IL1RL2: variants seen among roughly 807,000 people sequenced by gnomAD.
IL1RL2 encodes the protein interleukin-1 receptor-like 2.
IL1RL2 carries 68 observed loss-of-function variants against 66.8 expected under a neutral mutation model. That is an observed-to-expected ratio of 1.02 (90% CI 0.84 to 1.25). The LOEUF is 1.25. Ranked by LOEUF, IL1RL2 falls within the 50% of genes most tolerant of loss-of-function variation. The pLI is 0.00. For synonymous variants in IL1RL2, 305 were observed against 264.6 expected (o/e 1.15, Z -1.48); for missense variants, 729 against 709.3 (o/e 1.03, Z -0.32).
chr2:102,237,102 G>A (rs1306006524), intron 11 of IL1RL2, among the ~76,000 whole-genome samples: 1 of 152,082 alleles, frequency 6.6e-6, no homozygotes, highest in Admixed American at 6.5e-5. Flanking sequence ...AAATTCACAG[G>A]CACACCCTTC....
chr2:102,213,524 A>T (rs1327544604), intron 6 of IL1RL2, among the ~76,000 whole-genome samples: 1 of 152,178 alleles, frequency 6.6e-6, no homozygotes, highest in Non-Finnish European at 1.5e-5. Flanking sequence ...ATTAAAACTA[A>T]AGAAAAATTT....
intron 2 of IL1RL2, 133 bp downstream of exon 2, chr2:102,188,058 C>T (rs1375300970): frequency 4.9e-6 from 4 of 814,938 alleles, no homozygotes; most frequent in Admixed American, 3.9e-5. Flanking sequence ...AGGCGGAGTT[C>T]CGCGGAAGAG....
At chr2:102,238,855 G>A (rs984939202) in intron 11 of IL1RL2, among the ~76,000 whole-genome samples, 12 of 152,166 alleles carry the variant, frequency 7.9e-5, no homozygotes, top group African/African-American at 2.7e-4. Flanking sequence ...GAGAAATGCT[G>A]CTGTTCACTA....
Position 102,234,977 on chromosome 2 carries a change from G to A in IL1RL2, c.1378G>A (p.Gly460Ser), listed in dbSNP as rs1175918469. 2 of 1,614,162 alleles carry A rather than the reference G, an allele frequency of 1.2e-6. No homozygotes were observed. Among genetic ancestry groups the A allele is most frequent in the Non-Finnish European group, 8.5e-7 (1 of 1,180,042 alleles). Residue 460 changes from glycine (G) to serine (S), a missense_variant, in exon 11 of 12, where the codon GGC becomes AGC. Coordinates refer to ENST00000264257, the MANE Select transcript of IL1RL2 (RefSeq NM_003854.4). ...TGTGGTCCCCGAATCGCTGGGCTTT[G>A]GCCTGTTGAAGAACCTGTCAGAAGA... ...VIVVPESLGF[G>S]LLKNLSEEQI...
In IL1RL2 at chr2:102,234,987, A is replaced by G; in HGVS notation, c.1388A>G (p.Lys463Arg). Residue 463 changes from lysine to arginine, a missense_variant, in exon 11 of 12, where the codon AAG becomes AGG. Transcript: ENST00000264257. ...VPESLGFGLL[K>R]NLSEEQIAVY... ...GAATCGCTGGGCTTTGGCCTGTTGA[A>G]GAACCTGTCAGAAGAACAAATCGCG... 6.2e-7 allele frequency: 1 copy of G among 1,614,194 alleles called. No homozygotes were observed.
intron 9 of IL1RL2, among the ~76,000 whole-genome samples, chr2:102,226,498 A>G (rs892223174): frequency 6.6e-6 from 1 of 152,154 alleles, no homozygotes; most frequent in African/African-American, 2.4e-5. Context: ...GAAGGGATTT[A>G]AGTCTTCAAC....
intron 5 of IL1RL2, among the ~76,000 whole-genome samples, chr2:102,210,377 G>A (rs762683435): frequency 1.3e-5 from 2 of 152,128 alleles, no homozygotes; most frequent in Non-Finnish European, 2.9e-5. Context: ...TTTATTCTAA[G>A]AACAATGACA....
In IL1RL2 at chr2:102,219,054, G is replaced by A. The variant is rs1233932113; in HGVS notation, c.826G>A (p.Glu276Lys). 2 of 1,613,868 alleles carry A rather than the reference G, an allele frequency of 1.2e-6. No homozygotes were observed. The highest frequency in any genetic ancestry group is 1.7e-6 in the Non-Finnish European group (2 of 1,179,802). The part of the protein sequence containing the change: ...NNTLVDDYYD[E>K]SKRIREGVET... Reference sequence around the variant, plus strand: ...CACTTTGGTGGATGATTACTATGATGAATCCAAACGAATCAGAGAAGGGGT... The same window carrying A: ...CACTTTGGTGGATGATTACTATGATAAATCCAAACGAATCAGAGAAGGGGT... The change falls in exon 7 of 12, where the codon GAA (glutamate) becomes AAA (lysine). Residue 276 changes from glutamate (E) to lysine (K), a missense_variant. Physicochemically the swap from Glu to Lys is moderately conservative, Grantham distance 56. Transcript: ENST00000264257.
chr2:102,232,511 T>G (rs78859274), intron 9 of IL1RL2, among the ~76,000 whole-genome samples: 220 of 152,314 alleles, frequency 1.4e-3, no homozygotes, highest in Middle Eastern at 0.01. Context: ...ATTATTTTCT[T>G]TGGAGAGTCT....
intron 6 of IL1RL2, among the ~76,000 whole-genome samples, chr2:102,216,495 A>G (rs570576197): frequency 1.3e-4 from 20 of 152,222 alleles, no homozygotes; most frequent in African/African-American, 3.9e-4. Context: ...GGCAGCATAT[A>G]GTTGGTTCTT....
intron 6 of IL1RL2, 78 bp downstream of exon 6, chr2:102,212,252 A>C: frequency 9.5e-7 from 1 of 1,053,546 alleles, no homozygotes; most frequent in Non-Finnish European, 1.5e-6. Context: ...GAATATTTTG[A>C]ATGTTAAGGA....
intron 8 of IL1RL2, among the ~76,000 whole-genome samples, chr2:102,222,134 A>AAT (rs1553647120): frequency 6.6e-6 from 1 of 152,178 alleles, no homozygotes; most frequent in Non-Finnish European, 1.5e-5. Flanking sequence ...GTTTTATATT[A>AAT]AGAGAAGTAT....
rs1215103606 is a variant in IL1RL2 at position 102,195,547 on chromosome 2, ATTTC to A, written c.489+3437_489+3440del. 3.2e-5 allele frequency among the ~76,000 whole-genome samples: 4 copies of A among 125,182 alleles called. No homozygotes were observed. The South Asian group carries it at 7.8e-4, about 24-fold the overall frequency. 82.1% of individuals were successfully genotyped at this position (125,182 alleles called of 152,430 possible). ...ACCCTCTGTAGCATTCCCTTATTCTATTTCTTTCTTTCTCTTTCTTTCTTTCTTT... is the reference window on the plus strand; with the variant it reads ...ACCCTCTGTAGCATTCCCTTATTCTATTTCTTTCTCTTTCTTTCTTTCTTT... On this transcript the variant is annotated intron_variant, in intron 4 of 11. Transcript: ENST00000264257.
At chr2:102,201,463 G>A in intron 4 of IL1RL2, 93 bp from the exon 5 acceptor site, 1 of 1,139,016 alleles carries the variant, frequency 8.8e-7, no homozygotes, top group African/African-American at 1.5e-5. Context: ...GCTATCTGTT[G>A]TCTTCCAGTT....
intron 11 of IL1RL2, among the ~76,000 whole-genome samples, chr2:102,236,654 G>A (rs1259062663): frequency 6.6e-6 from 1 of 151,914 alleles, no homozygotes; most frequent in East Asian, 1.9e-4. Flanking sequence ...ACTGTTGTGC[G>A]GCCATCACCA....
chr2:102,187,434 G>T (rs964966171), intron 1 of IL1RL2: 6 of 1,053,310 alleles, frequency 5.7e-6, no homozygotes, highest in Admixed American at 4.3e-5. Context: ...ACACAGGCGC[G>T]CAGGGGAGGC....
chr2:102,238,267 A>G (rs886674069), intron 11 of IL1RL2, among the ~76,000 whole-genome samples: 2 of 151,940 alleles, frequency 1.3e-5, no homozygotes, highest in Non-Finnish European at 2.9e-5. Context: ...AAAACCCACT[A>G]CCTTTGGTAT....
At chr2:102,223,401 A>G (rs945786384) in intron 8 of IL1RL2, among the ~76,000 whole-genome samples, 1 of 152,206 alleles carries the variant, frequency 6.6e-6, no homozygotes, top group African/African-American at 2.4e-5. Context: ...TTCGCGTATT[A>G]CTTATGCTCA....
At chr2:102,204,893 T>C (rs528689933) in intron 5 of IL1RL2, among the ~76,000 whole-genome samples, 113 of 142,636 alleles carry the variant, frequency 7.9e-4, no homozygotes, top group Middle Eastern at 3.6e-3. Flanking sequence ...GTCATTTTGT[T>C]ATTTGTTTTC....
Sources: allele counts gnomAD v4.1 joint callset (sites outside exome capture counted in the v4.1 genomes callset), GRCh38; gene constraint gnomAD v4.1.1; transcripts MANE v1.5; gene names NCBI Gene and HGNC (gene_info 2026-07-23, HGNC 2026-07-21).